CSMD2: variants seen among roughly 807,000 people sequenced by gnomAD.
CSMD2 encodes CUB and Sushi multiple domains 2, also known as CUB and sushi domain-containing protein 2.
CSMD2 carries 130 observed loss-of-function variants against 398.5 expected under a neutral mutation model. That is an observed-to-expected ratio of 0.33 (90% CI 0.28 to 0.38). The LOEUF is 0.38. Ranked by LOEUF, CSMD2 falls within the 10% of genes least tolerant of loss-of-function variation. The probability of loss-of-function intolerance (pLI) is 1.00; values close to 1 mark genes in which losing one functional copy is unlikely to be tolerated. For synonymous variants in CSMD2, 1,828 were observed against 1,908.5 expected, an observed-to-expected ratio of 0.96 and a Z score of 1.10; for missense variants, 3,829 against 4,764.9, an observed-to-expected ratio of 0.80 and a Z score of 5.78.
intron 5 of CSMD2, among the ~76,000 whole-genome samples, chr1:33,854,593 C>A (rs1242890752): frequency 6.6e-6 from 1 of 152,230 alleles, no homozygotes; most frequent in Non-Finnish European, 1.5e-5. Flanking sequence ...GCTGCTGGTA[C>A]CTTCCTGGGG....
intron 3 of CSMD2, among the ~76,000 whole-genome samples, chr1:33,959,143 A>G (rs1328119075): frequency 6.6e-6 from 1 of 152,136 alleles, no homozygotes; most frequent in Non-Finnish European, 1.5e-5. Flanking sequence ...CTAGGTGGAG[A>G]GGAAAGGCGC....
intron 1 of CSMD2, among the ~76,000 whole-genome samples, chr1:34,094,783 G>A (rs1035761296): frequency 2.0e-5 from 3 of 152,040 alleles, no homozygotes; most frequent in African/African-American, 7.2e-5. Context: ...CCTACAAGGA[G>A]ACTTAGACTC....
rs143806359 is a variant in CSMD2 at position 33,776,564 on chromosome 1, C to T, written c.1664-3813G>A. Among the ~76,000 whole-genome samples the T allele has an allele frequency of 5.2e-4, 79 of 152,168 alleles. 1 individual carries two copies. The highest frequency in any genetic ancestry group is 6.8e-3 in the Middle Eastern group (2 of 294). ...ATTGCCATGCACCTCTGGGGCCCGC[C>T]GAGGGTGCAGATGACTCATTTGTAG... On this transcript the variant is annotated intron_variant, in intron 12 of 70. Coordinates refer to ENST00000373381, the MANE Select transcript of CSMD2 (RefSeq NM_001281956.2).
intron 12 of CSMD2, among the ~76,000 whole-genome samples, chr1:33,784,031 G>A (rs1653188088): frequency 6.6e-6 from 1 of 151,810 alleles, no homozygotes; most frequent in Non-Finnish European, 1.5e-5. Context: ...GACTATACAG[G>A]TGGGTGGGTT....
chr1:33,560,980 T>G (rs1270032119), intron 53 of CSMD2, among the ~76,000 whole-genome samples: 1 of 152,198 alleles, frequency 6.6e-6, no homozygotes, highest in Non-Finnish European at 1.5e-5. Context: ...CTCATGGAGT[T>G]GAACTCCCAC....
chr1:33,892,735 G>C (rs930167289), intron 5 of CSMD2, among the ~76,000 whole-genome samples: 1 of 152,216 alleles, frequency 6.6e-6, no homozygotes, highest in Admixed American at 6.5e-5. Flanking sequence ...TGGGCACTTA[G>C]GTTGGTTTCT....
chr1:34,044,161 C>G (rs562560733), intron 2 of CSMD2, among the ~76,000 whole-genome samples: 113 of 152,264 alleles, frequency 7.4e-4, no homozygotes, highest in African/African-American at 2.5e-3. Context: ...CCCCCCAACA[C>G]AGAGACTGAC....
chr1:33,892,058 T>C (rs1188258446), intron 5 of CSMD2, among the ~76,000 whole-genome samples: 2 of 145,152 alleles, frequency 1.4e-5, no homozygotes, highest in Non-Finnish European at 3.0e-5. Context: ...ATAATAATAA[T>C]AATAATAATA....
At chr1:34,044,182 A>C (rs564913023) in intron 2 of CSMD2, among the ~76,000 whole-genome samples, 66 of 152,178 alleles carry the variant, frequency 4.3e-4, no homozygotes, top group Non-Finnish European at 8.8e-4. Context: ...AAATTAATAC[A>C]ACCAGATTTT....
intron 62 of CSMD2, among the ~76,000 whole-genome samples, chr1:33,536,016 C>T (rs1655737947): frequency 6.6e-6 from 1 of 152,210 alleles, no homozygotes; most frequent in African/African-American, 2.4e-5. Flanking sequence ...AACAGGCACC[C>T]AGTCTGTCCT....
At chr1:33,660,303 G>T (rs1048462771) in intron 26 of CSMD2, among the ~76,000 whole-genome samples, 1 of 152,176 alleles carries the variant, frequency 6.6e-6, no homozygotes, top group Non-Finnish European at 1.5e-5. Context: ...AATAGGAATG[G>T]CTGTGATTAT....
intron 13 of CSMD2, among the ~76,000 whole-genome samples, chr1:33,764,880 T>C (rs770687197): frequency 6.6e-6 from 1 of 152,198 alleles, no homozygotes; most frequent in Non-Finnish European, 1.5e-5. Context: ...CAGGGAACAC[T>C]AGGTTTCAGC....
intron 3 of CSMD2, among the ~76,000 whole-genome samples, chr1:34,021,170 G>C (rs986547811): frequency 2.0e-5 from 3 of 152,176 alleles, no homozygotes; most frequent in Admixed American, 6.5e-5. Flanking sequence ...AGGTGGGACT[G>C]AAATATTCAA....
chr1:33,974,289 C>T (rs576315831), intron 3 of CSMD2, among the ~76,000 whole-genome samples: 20 of 152,310 alleles, frequency 1.3e-4, no homozygotes, highest in South Asian at 6.2e-4. Flanking sequence ...CACATGGGCT[C>T]GCACAAATCT....
At chr1:33,832,748 C>A (rs868667790) in intron 6 of CSMD2, among the ~76,000 whole-genome samples, 1 of 150,886 alleles carries the variant, frequency 6.6e-6, no homozygotes, top group Non-Finnish European at 1.5e-5. Flanking sequence ...ATTGATAGAC[C>A]GCTAGCAAGA....
intron 44 of CSMD2, among the ~76,000 whole-genome samples, chr1:33,597,164 T>C (rs1000110102): frequency 1.3e-5 from 2 of 152,208 alleles, no homozygotes; most frequent in South Asian, 4.1e-4. Context: ...TTTTTCTTAT[T>C]GATCCTCATA....
At chr1:33,813,794 T>C (rs1007477706) in intron 9 of CSMD2, among the ~76,000 whole-genome samples, 4 of 152,150 alleles carry the variant, frequency 2.6e-5, no homozygotes, top group Non-Finnish European at 4.4e-5. Flanking sequence ...TGCCTTCCCT[T>C]GCTTCTCCTA....
chr1:34,020,152 A>G (rs1648682275), intron 3 of CSMD2, among the ~76,000 whole-genome samples: 1 of 152,194 alleles, frequency 6.6e-6, no homozygotes, highest in Non-Finnish European at 1.5e-5. Context: ...AAGGCTTCTC[A>G]ATAAGAAGAC....
Position 33,519,701 on chromosome 1 carries a change from C to T in CSMD2, c.10737-24G>A. The T allele has an allele frequency of 6.2e-7, 1 of 1,613,770 alleles. No individual in the cohort carries two copies. The highest frequency in any genetic ancestry group is 8.5e-7 in the Non-Finnish European group (1 of 1,179,894). On this transcript the variant is annotated intron_variant, in intron 69 of 70. Coordinates refer to ENST00000373381, the MANE Select transcript of CSMD2 (RefSeq NM_001281956.2). The surrounding 1 kb of genome is among the most constrained non-coding windows in gnomAD (Gnocchi z 5.6). ...TCCTGGCGATAAAAGAGGAAGTGCCCACGGCATGAAAAGAGCGACACAGAG... is the reference window on the plus strand; with the variant it reads ...TCCTGGCGATAAAAGAGGAAGTGCCTACGGCATGAAAAGAGCGACACAGAG...
Sources: allele counts gnomAD v4.1 joint callset (sites outside exome capture counted in the v4.1 genomes callset), GRCh38; gene constraint gnomAD v4.1.1; non-coding constraint Gnocchi (gnomAD v3.1); transcripts MANE v1.5; gene names NCBI Gene and HGNC (gene_info 2026-07-23, HGNC 2026-07-21).